HECTD4: variants seen among roughly 807,000 people sequenced by gnomAD.
HECTD4 encodes probable E3 ubiquitin-protein ligase HECTD4.
HECTD4 carries 114 observed loss-of-function variants against 471.5 expected under a neutral mutation model. The ratio of observed to expected loss-of-function variants is 0.24; its 90% CI spans 0.21 to 0.28. The LOEUF (loss-of-function observed/expected upper bound fraction) is 0.28, where lower values mean the gene tolerates loss of function less well. Ranked by LOEUF, HECTD4 falls within the 10% of genes least tolerant of loss-of-function variation. The probability of loss-of-function intolerance (pLI) is 1.00; values close to 1 mark genes in which losing one functional copy is unlikely to be tolerated. For synonymous variants in HECTD4, 2,012 were observed against 2,256.0 expected, an observed-to-expected ratio of 0.89 and a Z score of 3.07; for missense variants, 3,866 against 5,651.5, an observed-to-expected ratio of 0.68 and a Z score of 10.13.
chr12:112,230,019 A>G (rs1302882997), intron 40 of HECTD4, 139 bp from the exon 41 acceptor site: 2 of 698,822 alleles, frequency 2.9e-6, no homozygotes, highest in Non-Finnish European at 2.3e-6. Context: ...AAAAACTATC[A>G]GGTATGGCCA....
intron 35 of HECTD4, among the ~76,000 whole-genome samples, chr12:112,236,106 AT>A (rs990233389): frequency 7.9e-5 from 12 of 152,226 alleles, no homozygotes; most frequent in African/African-American, 2.9e-4. Context: ...TTATTCTTTC[AT>A]TTTTTTAACG....
rs976162917 is a variant in HECTD4 at position 112,163,878 on chromosome 12, C to T, written c.12702-141G>A. 1.1e-5 allele frequency: 10 copies of T among 896,538 alleles called. No individual in the cohort carries two copies. The highest frequency in any genetic ancestry group is 2.3e-5 in the South Asian group (1 of 42,560). 55.5% of individuals were successfully genotyped at this position (896,538 alleles called of 1,614,324 possible). On this transcript the variant is annotated intron_variant, in intron 73 of 75. Transcript: ENST00000682272. This position sits in a 1 kb window ranked among gnomAD's most constrained non-coding sequence, Gnocchi z 8.2. ...GCCGCCCTGGTCATCCCAGTCCTTT[C>T]CTGCCTCTGGTGCCGCCGCCTCAGA...
intron 29 of HECTD4, among the ~76,000 whole-genome samples, chr12:112,245,499 T>G (rs1285168879): frequency 1.3e-5 from 2 of 152,172 alleles, no homozygotes; most frequent in Non-Finnish European, 2.9e-5. Flanking sequence ...GGCATGTGAT[T>G]GTACCACACA....
chr12:112,306,327 G>T, intron 6 of HECTD4, 93 bp from the exon 7 acceptor site: 1 of 1,042,714 alleles, frequency 9.6e-7, no homozygotes, highest in Non-Finnish European at 1.3e-6. Flanking sequence ...TGCCCAAGAT[G>T]AGAATTCACT....
intron 1 of HECTD4, among the ~76,000 whole-genome samples, chr12:112,356,281 C>T (rs1310699052): frequency 6.6e-6 from 1 of 152,198 alleles, no homozygotes; most frequent in Admixed American, 6.5e-5. Flanking sequence ...TTGTAAATGG[C>T]ATAAATTGCA....
Position 112,179,056 on chromosome 12 carries a change from C to T in HECTD4, c.11238G>A (p.Lys3746=). Residue 3746 remains lysine, a synonymous_variant, in exon 64 of 76, where the codon AAG becomes AAA. Transcript: ENST00000682272. This position sits in a 1 kb window ranked among gnomAD's most constrained non-coding sequence, Gnocchi z 4.3. ...TQILRKYGVP[K]PKFDKSKYSK... is the part of the protein sequence containing the mutation. ...TGTACTTGCTCTTGTCAAACTTGGG[C>T]TTTGGCACGCCATACTTCCTCAGGA... 1 of 1,613,966 alleles carries T rather than the reference C, an allele frequency of 6.2e-7. No homozygotes were observed. The highest frequency in any genetic ancestry group is 1.1e-5 in the South Asian group (1 of 91,078).
chr12:112,258,670 G>A, intron 19 of HECTD4, 74 bp from the exon 20 acceptor site: 1 of 1,191,250 alleles, frequency 8.4e-7, no homozygotes, highest in Non-Finnish European at 1.2e-6. Flanking sequence ...GCCAAACTTA[G>A]AGGTCTCTCT....
Position 112,273,792 on chromosome 12 carries a change from G to A in HECTD4, c.1805C>T (p.Ala602Val), listed in dbSNP as rs2135626210. 2.5e-6 allele frequency: 4 copies of A among 1,613,104 alleles called. No homozygotes were observed. Among genetic ancestry groups the A allele is most frequent in the East Asian group, 2.2e-5 (1 of 44,848 alleles). Reference protein sequence around the residue: ...GRGALVPGLGACYDTVNNMLW... With the variant: ...GRGALVPGLGVCYDTVNNMLW... ...CATGTTGTTCACTGTGTCATAACAC[G>A]CTCCTGCAAAAAGAGCATACTGTAT... Residue 602 changes from alanine (A) to valine (V), a missense_variant, in exon 11 of 76, where the codon GCG (alanine) becomes GTG (valine). Physicochemically the swap from Ala to Val is moderately conservative, Grantham distance 64. Transcript: ENST00000682272.
At chr12:112,349,343 G>A (rs1445537719) in intron 1 of HECTD4, among the ~76,000 whole-genome samples, 1 of 128,410 alleles carries the variant, frequency 7.8e-6, no homozygotes, top group South Asian at 2.4e-4. Context: ...AGCCGAGATC[G>A]CACCACTGCA....
At chr12:112,328,955 C>T (rs1025201038) in intron 1 of HECTD4, among the ~76,000 whole-genome samples, 3 of 152,218 alleles carry the variant, frequency 2.0e-5, no homozygotes, top group Admixed American at 6.5e-5. Flanking sequence ...CCCAGATCTT[C>T]ATATAACTGC....
At chr12:112,224,238 G>A (rs968805496) in intron 44 of HECTD4, among the ~76,000 whole-genome samples, 4 of 151,362 alleles carry the variant, frequency 2.6e-5, no homozygotes, top group Non-Finnish European at 4.4e-5. Context: ...AACCATTTCT[G>A]GTAACCTAAT....
In HECTD4 at chr12:112,184,456, C is replaced by T. The variant is rs759373433; in HGVS notation, c.10510G>A (p.Val3504Ile). 13 of 1,605,496 alleles carry T rather than the reference C, an allele frequency of 8.1e-6. No homozygotes were observed. Among genetic ancestry groups the T allele is most frequent in the Non-Finnish European group, 1.0e-5 (12 of 1,176,932 alleles). Residue 3504 changes from valine (V) to isoleucine (I), a missense_variant, in exon 61 of 76, where the codon GTC becomes ATC. Transcript: ENST00000682272. The surrounding 1 kb of genome is among the most constrained non-coding windows in gnomAD (Gnocchi z 9.1). ...AGCGGATCCACAGAGAGGTCGCTGACGGTTTGGGAGATGCCCTGCGAGCTG... is the reference window on the plus strand; with the variant it reads ...AGCGGATCCACAGAGAGGTCGCTGATGGTTTGGGAGATGCCCTGCGAGCTG... The part of the protein sequence containing the change: ...ICSSQGISQT[V>I]SDLSVDPLPA...
At chr12:112,299,293 T>G (rs1342633017) in intron 7 of HECTD4, among the ~76,000 whole-genome samples, 1 of 152,124 alleles carries the variant, frequency 6.6e-6, no homozygotes, top group Non-Finnish European at 1.5e-5. Context: ...TACGGACATT[T>G]TCTTATGTAT....
chr12:112,217,245 C>A, intron 45 of HECTD4, 50 bp from the exon 46 acceptor site: 1 of 1,428,782 alleles, frequency 7.0e-7, no homozygotes, highest in South Asian at 1.8e-5. Flanking sequence ...AACACAATCC[C>A]TTTACTCTCT....
intron 38 of HECTD4, 74 bp from the exon 39 acceptor site, chr12:112,231,789 C>A: frequency 8.1e-7 from 1 of 1,240,760 alleles, no homozygotes; most frequent in Non-Finnish European, 1.1e-6. Flanking sequence ...GTCTATTTCC[C>A]CTCAATTACC....
chr12:112,293,792 C>T (rs2034949255), intron 7 of HECTD4, among the ~76,000 whole-genome samples: 1 of 152,168 alleles, frequency 6.6e-6, no homozygotes, highest in Non-Finnish European at 1.5e-5. Context: ...GACTTCTGTA[C>T]CTTCTGAGTT....
chr12:112,243,268 G>T lies in HECTD4; in HGVS notation c.4958+85C>A. The T allele has an allele frequency of 8.5e-7, 1 of 1,182,082 alleles. No homozygotes were observed. Among genetic ancestry groups the T allele is most frequent in the Admixed American group, 2.5e-5 (1 of 39,332 alleles). The allele number at this position is 1,182,082 out of a possible 1,614,324, so 73.2% of individuals were successfully genotyped here. On this transcript the variant is annotated intron_variant, in intron 32 of 75. Transcript: ENST00000682272. The surrounding 1 kb of genome is among the most constrained non-coding windows in gnomAD (Gnocchi z 6.6). ...GAGGAAAACATTAGCAAATACTACC[G>T]CCTATGTTTGGGTCCCAAGAATAAT...
At chr12:112,308,688 T>A (rs1204566247) in intron 6 of HECTD4, 65 bp downstream of exon 6, 2 of 1,363,776 alleles carry the variant, frequency 1.5e-6, no homozygotes, top group African/African-American at 2.9e-5. Context: ...TTACTTCTGA[T>A]GATATAGGAA....
intron 62 of HECTD4, among the ~76,000 whole-genome samples, chr12:112,182,548 A>T (rs1405752184): frequency 6.6e-6 from 1 of 152,270 alleles, no homozygotes; most frequent in Non-Finnish European, 1.5e-5. Context: ...GTCCTCAAGC[A>T]TATGATGAAA....
Sources: allele counts gnomAD v4.1 joint callset (sites outside exome capture counted in the v4.1 genomes callset), GRCh38; gene constraint gnomAD v4.1.1; non-coding constraint Gnocchi (gnomAD v3.1); transcripts MANE v1.5; gene names NCBI Gene and HGNC (gene_info 2026-07-23, HGNC 2026-07-21).